C6: variants seen among roughly 807,000 people sequenced by gnomAD.
C6 encodes complement component C6.
Under a neutral mutation model 112.9 loss-of-function variants are expected in C6, and 101 were observed. The ratio of observed to expected loss-of-function variants is 0.89; its 90% CI spans 0.76 to 1.06. C6 has a LOEUF of 1.06. C6 is among the 50% of genes least tolerant of loss of function. The pLI is 0.00. For missense variants in C6, 1,202 were observed against 1,104.6 expected (o/e 1.09, Z -1.25); for synonymous variants, 431 against 384.1 (o/e 1.12, Z -1.43).
chr5:41,206,856 A>G (rs1751478515), intron 1 of C6, among the ~76,000 whole-genome samples: 1 of 152,192 alleles, frequency 6.6e-6, no homozygotes, highest in Non-Finnish European at 1.5e-5. Flanking sequence ...CCAACATTCA[A>G]ATTCAGGAAA....
chr5:41,210,697 C>T (rs1751845340), intron 1 of C6, among the ~76,000 whole-genome samples: 1 of 152,168 alleles, frequency 6.6e-6, no homozygotes, highest in Non-Finnish European at 1.5e-5. Context: ...GATACCATCT[C>T]ACACCAGTTA....
intron 8 of C6, among the ~76,000 whole-genome samples, chr5:41,173,398 T>C (rs1370275160): frequency 6.6e-6 from 1 of 152,164 alleles, no homozygotes; most frequent in African/African-American, 2.4e-5. Flanking sequence ...ACAGATGTAG[T>C]ATTTTTGTAG....
At chr5:41,198,081 G>A (rs1158806759) in intron 4 of C6, among the ~76,000 whole-genome samples, 1 of 152,132 alleles carries the variant, frequency 6.6e-6, no homozygotes, top group Non-Finnish European at 1.5e-5. Flanking sequence ...GACTCTGAAA[G>A]AAGAGTTGGT....
chr5:41,224,505 C>T (rs534137674), intron 1 of C6, among the ~76,000 whole-genome samples: 2 of 152,164 alleles, frequency 1.3e-5, no homozygotes, highest in Middle Eastern at 3.4e-3. Flanking sequence ...TAATATAATA[C>T]GTCGTCTTTT....
At chr5:41,144,149 C>G (rs1745598247) in intron 17 of C6, among the ~76,000 whole-genome samples, 1 of 152,194 alleles carries the variant, frequency 6.6e-6, no homozygotes, top group Non-Finnish European at 1.5e-5. Context: ...TGTCATCTGC[C>G]TCTTTTGCCA....
intron 1 of C6, among the ~76,000 whole-genome samples, chr5:41,206,739 T>C (rs1183695824): frequency 1.3e-5 from 2 of 152,130 alleles, no homozygotes; most frequent in Non-Finnish European, 2.9e-5. Context: ...AAAGACCAAA[T>C]CTACGTCTGA....
At chr5:41,173,042 GT>G (rs1748558197) in intron 8 of C6, among the ~76,000 whole-genome samples, 1 of 152,046 alleles carries the variant, frequency 6.6e-6, no homozygotes. Flanking sequence ...ATCTCTTCAT[GT>G]TAATTCAAGC....
chr5:41,260,025 G>T (rs1266961731), intron 1 of C6, among the ~76,000 whole-genome samples: 1 of 152,168 alleles, frequency 6.6e-6, no homozygotes, highest in Non-Finnish European at 1.5e-5. Flanking sequence ...TGAGGAGAAA[G>T]AATTGTTTTA....
At chr5:41,209,253 C>T (rs1294457109) in intron 1 of C6, among the ~76,000 whole-genome samples, 1 of 152,196 alleles carries the variant, frequency 6.6e-6, no homozygotes, top group African/African-American at 2.4e-5. Flanking sequence ...GACAAACCCA[C>T]AGCCAGTATC....
rs1318305710 is a variant in C6, at chr5:41,149,436, A to G, written c.2428T>C (p.Tyr810His). Residue 810 changes from tyrosine to histidine, a missense_variant, in exon 17 of 18, where the codon TAC becomes CAC. Physicochemically the swap from Tyr to His is moderately conservative, Grantham distance 83. Coordinates refer to ENST00000337836, the MANE Select transcript of C6 (RefSeq NM_000065.5). Reference protein sequence around the residue: ...LCVFDTDSNDYFTSPACKFLA... With the variant: ...LCVFDTDSNDHFTSPACKFLA... Reference sequence around the variant, plus strand: ...AACTTACAAGCGGGTGAAGTAAAGTAATCGTTGGAGTCTGTGTCAAACACA... The same window carrying G: ...AACTTACAAGCGGGTGAAGTAAAGTGATCGTTGGAGTCTGTGTCAAACACA... 1 of 1,614,002 alleles carries G rather than the reference A, an allele frequency of 6.2e-7. No homozygotes were observed. The highest frequency in any genetic ancestry group is 8.5e-7 in the Non-Finnish European group (1 of 1,179,984).
intron 1 of C6, among the ~76,000 whole-genome samples, chr5:41,205,856 C>A (rs867296675): frequency 3.9e-5 from 6 of 152,196 alleles, no homozygotes; most frequent in Middle Eastern, 3.2e-3. Context: ...TGTCTGACAG[C>A]CTTGAAGAGA....
chr5:41,161,192 C>T (rs575391096), intron 10 of C6, among the ~76,000 whole-genome samples: 8 of 152,048 alleles, frequency 5.3e-5, no homozygotes, highest in Non-Finnish European at 1.2e-4. Context: ...ATGGCTGATA[C>T]GTGGGTAAAG....
chr5:41,188,414 G>A (rs1561146209), intron 5 of C6, among the ~76,000 whole-genome samples: 2 of 152,182 alleles, frequency 1.3e-5, no homozygotes, highest in East Asian at 3.9e-4. Context: ...GTACTGGCAT[G>A]AGGATAGACA....
chr5:41,222,889 T>C (rs551986349), intron 1 of C6, among the ~76,000 whole-genome samples: 1 of 152,334 alleles, frequency 6.6e-6, no homozygotes, highest in Non-Finnish European at 1.5e-5. Flanking sequence ...TAGAAATTCA[T>C]TTAGCCTTTT....
intron 1 of C6, 65 bp downstream of exon 1, chr5:41,213,311 T>G: frequency 1.5e-6 from 1 of 685,534 alleles, no homozygotes; most frequent in Non-Finnish European, 1.8e-6. Context: ...ATTGTAATTT[T>G]GTTGGAAACA....
At chr5:41,232,946 G>A (rs1369167819) in intron 1 of C6, among the ~76,000 whole-genome samples, 2 of 151,916 alleles carry the variant, frequency 1.3e-5, no homozygotes, top group African/African-American at 4.8e-5. Context: ...ATCTATTACA[G>A]CCTTAAATAC....
At chr5:41,187,357 G>A (rs1749854282) in intron 5 of C6, among the ~76,000 whole-genome samples, 1 of 152,032 alleles carries the variant, frequency 6.6e-6, no homozygotes, top group South Asian at 2.1e-4. Flanking sequence ...TACCTGAAAG[G>A]CACCACCTTT....
intron 1 of C6, among the ~76,000 whole-genome samples, chr5:41,244,149 T>G (rs2150429474): frequency 6.6e-6 from 1 of 152,274 alleles, no homozygotes; most frequent in East Asian, 1.9e-4. Context: ...GTGTGAAAAA[T>G]AAAGTTTTAT....
chr5:41,154,142 T>A, intron 14 of C6, 144 bp from the exon 15 acceptor site: 1 of 714,214 alleles, frequency 1.4e-6, no homozygotes, highest in East Asian at 2.7e-5. Context: ...TCAGAAAACC[T>A]GGGGGATAAG....
Sources: allele counts gnomAD v4.1 joint callset (sites outside exome capture counted in the v4.1 genomes callset), GRCh38; gene constraint gnomAD v4.1.1; transcripts MANE v1.5; gene names NCBI Gene and HGNC (gene_info 2026-07-23, HGNC 2026-07-21).